The following CDC42BPA variants were observed in gnomAD, a reference collection of about 807,000 sequenced individuals.
CDC42BPA encodes serine/threonine-protein kinase MRCK alpha.
A neutral mutation model predicts 223.5 loss-of-function variants in CDC42BPA; 80 were observed. The observed-to-expected ratio is 0.36, with a 90% CI of 0.30 to 0.43. CDC42BPA has a LOEUF of 0.43. Ranked by LOEUF, CDC42BPA falls within the 20% of genes least tolerant of loss-of-function variation. CDC42BPA has a pLI of 1.00. For synonymous variants in CDC42BPA, 694 were observed against 718.6 expected, an observed-to-expected ratio of 0.97 and a Z score of 0.55; for missense variants, 1,743 against 2,099.9, an observed-to-expected ratio of 0.83 and a Z score of 3.32.
intron 2 of CDC42BPA, among the ~76,000 whole-genome samples, chr1:227,241,504 A>G (rs1275817047): frequency 6.6e-6 from 1 of 152,178 alleles, no homozygotes; most frequent in East Asian, 1.9e-4. Flanking sequence ...GCTCAGTAAT[A>G]AAAACGATTA....
chr1:227,120,585 T>C lies in CDC42BPA; in HGVS notation c.1514-648A>G, dbSNP rs141526592. Among the ~76,000 whole-genome samples the C allele has an allele frequency of 2.7e-4, 41 of 152,342 alleles. No homozygotes were observed. The East Asian group carries it at 6.0e-3, about 22-fold the overall frequency. ...TTTTCCACCTTACAAGATAATGTTATTAAATAATGTTTAACATTCTCAGAT... is the reference window on the plus strand; with the variant it reads ...TTTTCCACCTTACAAGATAATGTTACTAAATAATGTTTAACATTCTCAGAT... On this transcript the variant is annotated intron_variant, in intron 11 of 36. Coordinates refer to ENST00000366766, the MANE Select transcript of CDC42BPA (RefSeq NM_001394014.1).
intron 1 of CDC42BPA, among the ~76,000 whole-genome samples, chr1:227,304,273 G>GC (rs1692174877): frequency 6.6e-6 from 1 of 152,058 alleles, no homozygotes; most frequent in South Asian, 2.1e-4. Flanking sequence ...AGGCATAGTA[G>GC]CACATGTCTG....
At chr1:227,237,383 T>C (rs1197200465) in intron 2 of CDC42BPA, among the ~76,000 whole-genome samples, 1 of 152,206 alleles carries the variant, frequency 6.6e-6, no homozygotes, top group East Asian at 1.9e-4. Context: ...CTACCTATTA[T>C]TGTTACTGTA....
Position 227,064,627 on chromosome 1 carries a change from T to A in CDC42BPA, c.2904+5150A>T, listed in dbSNP as rs542397379. 6.6e-5 allele frequency among the ~76,000 whole-genome samples: 10 copies of A among 152,182 alleles called. No homozygotes were observed. The East Asian group carries it at 1.9e-3, about 29-fold the overall frequency. ...GAAAGAGGCTGGGGCTAACATGGACTAGACAGTCCAAGACTGGGCATGCAC... is the reference window on the plus strand; with the variant it reads ...GAAAGAGGCTGGGGCTAACATGGACAAGACAGTCCAAGACTGGGCATGCAC... On this transcript the variant is annotated intron_variant, in intron 21 of 36. Coordinates refer to ENST00000366766, the MANE Select transcript of CDC42BPA (RefSeq NM_001394014.1).
intron 21 of CDC42BPA, among the ~76,000 whole-genome samples, chr1:227,053,133 G>A (rs1380381621): frequency 6.6e-6 from 1 of 152,134 alleles, no homozygotes; most frequent in Non-Finnish European, 1.5e-5. Flanking sequence ...TCAAGTTGGG[G>A]ATATTTTCCT....
At chr1:227,028,139 T>C (rs942561408) in intron 30 of CDC42BPA, among the ~76,000 whole-genome samples, 2 of 150,750 alleles carry the variant, frequency 1.3e-5, no homozygotes, top group Admixed American at 1.3e-4. Flanking sequence ...AAAAAAAGTA[T>C]TCAATAATTT....
chr1:227,289,888 C>CAAAAAA (rs10629910), intron 1 of CDC42BPA, among the ~76,000 whole-genome samples: 2 of 121,074 alleles, frequency 1.7e-5, no homozygotes, highest in Non-Finnish European at 1.7e-5. Flanking sequence ...CCTGTCTCTA[C>CAAAAAA]AAAAAAAAAA....
Position 227,080,983 on chromosome 1 carries a change from T to C in CDC42BPA, c.2390A>G (p.Asn797Ser). The change falls in exon 17 of 37, where the codon AAC becomes AGC. Residue 797 changes from asparagine to serine, a missense_variant. Physicochemically the swap from Asn to Ser is conservative, Grantham distance 46. Transcript: ENST00000366766. ...TTTAACCTCTTCTTCTAACTGCTGG[T>C]TGTGTATACTTAAGTTCTCATACAA... ...TTLYENLSIH[N>S]QQLEEEVKDL... 1 of 1,613,604 alleles carries C rather than the reference T, an allele frequency of 6.2e-7. No homozygotes were observed. Among genetic ancestry groups the C allele is most frequent in the Admixed American group, 1.7e-5 (1 of 60,016 alleles).
At chr1:227,147,661 CTT>C (rs1660933969) in intron 6 of CDC42BPA, 102 bp from the exon 7 acceptor site, 2 of 574,162 alleles carry the variant, frequency 3.5e-6, no homozygotes, top group East Asian at 3.0e-5. Context: ...ATAAACACAT[CTT>C]TGTCATTATC....
intron 2 of CDC42BPA, among the ~76,000 whole-genome samples, chr1:227,239,235 A>G (rs905608476): frequency 2.2e-4 from 33 of 152,198 alleles, no homozygotes; most frequent in African/African-American, 7.7e-4. Flanking sequence ...GATTATAAAA[A>G]AAGACCAGTG....
At chr1:227,183,182 A>C (rs1269961661) in intron 5 of CDC42BPA, 1 of 152,214 alleles carries the variant, frequency 6.6e-6, no homozygotes, top group African/African-American at 2.4e-5. Context: ...AGCCTAGTAC[A>C]TGCCATTTTA....
At chr1:227,049,208 T>C (rs773987836) in intron 22 of CDC42BPA, among the ~76,000 whole-genome samples, 18 of 151,922 alleles carry the variant, frequency 1.2e-4, no homozygotes, top group Admixed American at 3.3e-4. Context: ...CAAATTTACA[T>C]AGAAAGTCCA....
intron 5 of CDC42BPA, among the ~76,000 whole-genome samples, chr1:227,179,968 G>A (rs1667663178): frequency 6.6e-6 from 1 of 152,102 alleles, no homozygotes; most frequent in Non-Finnish European, 1.5e-5. Context: ...AGTACTTTGG[G>A]AGGCCATGGA....
At chr1:227,291,021 A>G (rs1391433956) in intron 1 of CDC42BPA, among the ~76,000 whole-genome samples, 1 of 152,174 alleles carries the variant, frequency 6.6e-6, no homozygotes, top group Non-Finnish European at 1.5e-5. Flanking sequence ...AGATCACTGC[A>G]CTTCCCATAC....
intron 2 of CDC42BPA, among the ~76,000 whole-genome samples, chr1:227,228,147 C>A (rs2147941958): frequency 6.6e-6 from 1 of 152,218 alleles, no homozygotes; most frequent in South Asian, 2.1e-4. Context: ...GAGAGGGAGA[C>A]CAGCAGGATA....
chr1:227,219,867 C>A lies in CDC42BPA; in HGVS notation c.271-6648G>T, dbSNP rs1572441619. 2.0e-5 allele frequency among the ~76,000 whole-genome samples: 3 copies of A among 152,316 alleles called. No homozygotes were observed. The South Asian group carries it at 6.2e-4, about 32-fold the overall frequency. ...ATCCAGCCAATACTACCTTTCTATA[C>A]AAAATCAATTCTGTCTTGAAATAAC... On this transcript the variant is annotated intron_variant, in intron 2 of 36. Coordinates refer to ENST00000366766, the MANE Select transcript of CDC42BPA (RefSeq NM_001394014.1).
intron 22 of CDC42BPA, among the ~76,000 whole-genome samples, chr1:227,048,775 AT>A (rs1025285803): frequency 4.3e-4 from 64 of 147,674 alleles, no homozygotes; most frequent in African/African-American, 1.5e-3. Flanking sequence ...AAAAAAAGAC[AT>A]GGAAAGTAAC....
At chr1:227,263,426 A>G (rs1178839096) in intron 1 of CDC42BPA, among the ~76,000 whole-genome samples, 1 of 152,186 alleles carries the variant, frequency 6.6e-6, no homozygotes, top group East Asian at 1.9e-4. Context: ...ACTCCAGAGA[A>G]AGTTAATTTA....
At chr1:227,267,589 T>C (rs192975623) in intron 1 of CDC42BPA, among the ~76,000 whole-genome samples, 3 of 152,300 alleles carry the variant, frequency 2.0e-5, no homozygotes. Context: ...TCTATAAAGA[T>C]ACTACCTGAG....
Sources: allele counts gnomAD v4.1 joint callset (sites outside exome capture counted in the v4.1 genomes callset), GRCh38; gene constraint gnomAD v4.1.1; transcripts MANE v1.5; gene names NCBI Gene and HGNC (gene_info 2026-07-23, HGNC 2026-07-21).